The following IARS1 variants were observed in gnomAD, a reference collection of about 807,000 sequenced individuals.
The protein encoded by IARS1 is isoleucine--tRNA ligase, cytoplasmic.
Under a neutral mutation model 168.2 loss-of-function variants are expected in IARS1, and 124 were observed. The observed-to-expected ratio is 0.74, with a 90% confidence interval of 0.64 to 0.86. The LOEUF (loss-of-function observed/expected upper bound fraction) is 0.86. Ranked by LOEUF, IARS1 falls within the 40% of genes least tolerant of loss-of-function variation. The pLI, the probability that IARS1 is intolerant of heterozygous loss-of-function variation, is 0.00. For missense variants in IARS1, 1,452 were observed against 1,515.8 expected (o/e 0.96, Z 0.70); for synonymous variants, 532 against 529.4 (o/e 1.00, Z -0.07).
intron 22 of IARS1, 130 bp from the exon 23 acceptor site, chr9:92,250,964 C>T (rs755482921): frequency 8.5e-6 from 8 of 945,176 alleles, no homozygotes; most frequent in Non-Finnish European, 1.3e-5. Context: ...CATGAGGTTA[C>T]AAAACATGCC....
In IARS1 at chr9:92,228,243, T is replaced by C. The variant is rs555614793; in HGVS notation, c.3409+758A>G. On this transcript the variant is annotated intron_variant, in intron 31 of 33. Coordinates refer to ENST00000443024, the MANE Select transcript of IARS1 (RefSeq NM_002161.6). ...ACTAGTTACATCTGCGATAATCCTA[T>C]TTCCACAGGTCACATTTAGAGATAC... Among the ~76,000 whole-genome samples, 9 of 152,340 alleles carry C rather than the reference T, an allele frequency of 5.9e-5. No individual in the cohort carries two copies. In the South Asian group the frequency reaches 6.2e-4, roughly 11 times the overall value.
At position 92,264,496 on chromosome 9, in the gene IARS1, G is replaced by C. The variant is rs550438151; in HGVS notation, c.1700+433C>G. ...CATATGTATATTTTTTAAAAATCTG[G>C]ATTTTTTTAGAATGTTGATTTATAA... On this transcript the variant is annotated intron_variant, in intron 16 of 33. Transcript: ENST00000443024. Among the ~76,000 whole-genome samples the C allele has an allele frequency of 4.6e-5, 7 of 152,088 alleles. No homozygotes were observed. In the South Asian group the frequency reaches 1.5e-3, roughly 32 times the overall value.
intron 21 of IARS1, among the ~76,000 whole-genome samples, chr9:92,252,175 G>A (rs1027883603): frequency 2.6e-5 from 4 of 152,112 alleles, no homozygotes; most frequent in Admixed American, 6.5e-5. Flanking sequence ...TGTAGGACCC[G>A]AAGGCTGAAG....
Position 92,288,188 on chromosome 9 carries a change from C to A in IARS1, c.214G>T (p.Ala72Ser). Reference protein sequence around the residue: ...GTIKDIVTRYAHQSGFHVDRR... With the variant: ...GTIKDIVTRYSHQSGFHVDRR... ...TCAACATGAAACCCACTCTGGTGAG[C>A]ATATCTTGTAACTATATCTTTAATT... Residue 72 changes from alanine (A) to serine (S), a missense_variant, in exon 3 of 34, where the codon GCT becomes TCT. Physicochemically the swap from Ala to Ser is moderately conservative, Grantham distance 99 (BLOSUM62 1). Transcript: ENST00000443024. 6.2e-7 allele frequency: 1 copy of A among 1,614,056 alleles called. No homozygotes were observed. Among genetic ancestry groups the A allele is most frequent in the Non-Finnish European group, 8.5e-7 (1 of 1,179,946 alleles).
At chr9:92,266,724 C>T (rs1380277362) in intron 14 of IARS1, among the ~76,000 whole-genome samples, 1 of 152,078 alleles carries the variant, frequency 6.6e-6, no homozygotes, top group East Asian at 1.9e-4. Context: ...AGAGCCTGCC[C>T]CCACCCCACC....
At chr9:92,265,666 T>A in intron 14 of IARS1, 113 bp from the exon 15 acceptor site, 1 of 761,268 alleles carries the variant, frequency 1.3e-6, no homozygotes, top group Non-Finnish European at 2.2e-6. Flanking sequence ...TTCTTTTTCC[T>A]TTTTTTTTGA....
intron 33 of IARS1, among the ~76,000 whole-genome samples, chr9:92,211,196 ATCAGTTGAG>A: frequency 6.6e-6 from 1 of 152,332 alleles, no homozygotes; most frequent in Middle Eastern, 3.4e-3. Context: ...CACATGGTAT[ATCAGTTGAG>A]AAAGACAGCA....
intron 20 of IARS1, among the ~76,000 whole-genome samples, chr9:92,254,777 G>T (rs764172186): frequency 6.6e-5 from 10 of 152,138 alleles, no homozygotes; most frequent in Admixed American, 6.5e-5. Context: ...CCACCACCCT[G>T]TGAGGCAGGT....
chr9:92,223,434 A>G lies in IARS1; in HGVS notation c.3465T>C (p.Thr1155=). 1.2e-6 allele frequency: 2 copies of G among 1,614,014 alleles called. No individual in the cohort carries two copies. The highest frequency in any genetic ancestry group is 1.7e-6 in the Non-Finnish European group (2 of 1,179,868). Residue 1155 remains threonine (T), a synonymous_variant, in exon 32 of 34, where the codon ACT becomes ACC. Transcript: ENST00000443024. ...LSLSGKTLCV[T]AGSAPSLINS... is the part of the protein sequence containing the mutation. ...TGATCAGAGAGGGAGCCGATCCTGC[A>G]GTCACACAAAGTGTTTTTCCACTAA...
chr9:92,274,581 T>C (rs577033830), intron 9 of IARS1, 60 bp from the exon 10 acceptor site: 7 of 1,196,274 alleles, frequency 5.9e-6, no homozygotes, highest in Non-Finnish European at 8.6e-6. Context: ...AACGTTAACT[T>C]TGTAACAGTT....
At chr9:92,278,053 T>C (rs377100292) in intron 8 of IARS1, 130 bp from the exon 9 acceptor site, 16 of 1,039,502 alleles carry the variant, frequency 1.5e-5, no homozygotes, top group East Asian at 1.4e-4. Flanking sequence ...AATGTGTGAC[T>C]GCAAAGTACT....
intron 30 of IARS1, among the ~76,000 whole-genome samples, chr9:92,235,513 ATTTTTTTTT>A (rs558342421): frequency 1.8e-5 from 2 of 114,204 alleles, no homozygotes; most frequent in Admixed American, 9.3e-5. Context: ...AATTACATTG[ATTTTTTTTT>A]TTTTTTTTTT....
intron 20 of IARS1, among the ~76,000 whole-genome samples, chr9:92,255,983 T>A (rs1396028903): frequency 2.0e-5 from 3 of 151,760 alleles, no homozygotes; most frequent in African/African-American, 4.8e-5. Flanking sequence ...TAAAAATATC[T>A]CCTGTACCCC....
intron 32 of IARS1, among the ~76,000 whole-genome samples, chr9:92,223,070 AG>A (rs1482995854): frequency 2.6e-5 from 4 of 152,184 alleles, no homozygotes; most frequent in Non-Finnish European, 5.9e-5. Context: ...TCCTCAGAAA[AG>A]AAAGTAAAAT....
intron 26 of IARS1, 143 bp from the exon 27 acceptor site, chr9:92,245,214 T>A (rs1192720772): frequency 3.1e-6 from 2 of 655,440 alleles, no homozygotes; most frequent in African/African-American, 3.6e-5. Flanking sequence ...CTCTGACTCA[T>A]GTCATGGTTG....
chr9:92,250,451 A>G (rs1587794753), intron 23 of IARS1, among the ~76,000 whole-genome samples, 162 bp from the exon 24 acceptor site: 1 of 152,180 alleles, frequency 6.6e-6, no homozygotes, highest in African/African-American at 2.4e-5. Flanking sequence ...ACCACTCAGC[A>G]CCCGGCATCT....
At chr9:92,252,105 A>G (rs1014414753) in intron 21 of IARS1, among the ~76,000 whole-genome samples, 42 of 152,320 alleles carry the variant, frequency 2.8e-4, no homozygotes, top group African/African-American at 9.6e-4. Context: ...CAGGATGTGC[A>G]CCTGCTGTCC....
At chr9:92,274,334 G>T in intron 10 of IARS1, 92 bp downstream of exon 10, 1 of 951,244 alleles carries the variant, frequency 1.1e-6, no homozygotes, top group Non-Finnish European at 1.7e-6. Context: ...AGGCCAACCT[G>T]GTAACCCAAC....
At chr9:92,248,808 G>A (rs1829608560) in intron 25 of IARS1, among the ~76,000 whole-genome samples, 1 of 151,838 alleles carries the variant, frequency 6.6e-6, no homozygotes, top group African/African-American at 2.4e-5. Context: ...CTATAATAAT[G>A]ATTTTAAATA....
Sources: gnomAD v4.1 joint callset for allele counts (sites outside exome capture counted in the v4.1 genomes callset) on GRCh38, gnomAD v4.1.1 for gene constraint, MANE v1.5 for transcripts, NCBI Gene and HGNC (gene_info 2026-07-23, HGNC 2026-07-21) for gene names.